Variants in SPEF2 observed in about 807,000 individuals in gnomAD.
SPEF2 encodes sperm flagellar and cilia associated 2, also known as sperm flagella and cilia-associated protein 2.
A neutral mutation model predicts 224.6 loss-of-function variants in SPEF2; 187 were observed. That is an observed-to-expected ratio of 0.83 (90% CI 0.74 to 0.94). The LOEUF (loss-of-function observed/expected upper bound fraction) is 0.94, where lower values mean the gene tolerates loss of function less well. SPEF2 is among the 40% of genes least tolerant of loss of function. The pLI is 0.00. For missense variants in SPEF2, 2,170 were observed against 2,135.6 expected (o/e 1.02, Z -0.32); for synonymous variants, 715 against 707.3 (o/e 1.01, Z -0.17).
chr5:35,664,905 G>T (rs116270159), intron 8 of SPEF2, among the ~76,000 whole-genome samples: 8 of 151,960 alleles, frequency 5.3e-5, no homozygotes, highest in Non-Finnish European at 1.0e-4. Flanking sequence ...GAGCGTTTTT[G>T]TTTTGTTTTT....
intron 23 of SPEF2, among the ~76,000 whole-genome samples, chr5:35,750,998 TATATATATATATA>T: frequency 1.5e-5 from 1 of 68,330 alleles, no homozygotes; most frequent in Non-Finnish European, 3.3e-5. Context: ...TATATATATG[TATATATATATATA>T]CGTATATATA....
intron 4 of SPEF2, among the ~76,000 whole-genome samples, chr5:35,644,981 C>T (rs559963925): frequency 2.6e-5 from 4 of 152,264 alleles, no homozygotes; most frequent in Non-Finnish European, 4.4e-5. Flanking sequence ...TAATTCTTTG[C>T]TTGCTTACCT....
At chr5:35,692,079 T>C (rs1427683814) in intron 11 of SPEF2, among the ~76,000 whole-genome samples, 1 of 151,394 alleles carries the variant, frequency 6.6e-6, no homozygotes. Flanking sequence ...ATTACAAGCA[T>C]GAGCCACCGT....
At chr5:35,760,149 C>G (rs1488204527) in intron 25 of SPEF2, among the ~76,000 whole-genome samples, 1 of 152,088 alleles carries the variant, frequency 6.6e-6, no homozygotes, top group Non-Finnish European at 1.5e-5. Context: ...ATCACGAGGT[C>G]AGGAGATCGA....
rs572545033 is a variant in SPEF2, at chr5:35,668,761, A to G, written c.1356-1298A>G. Among the ~76,000 whole-genome samples, 78 of 152,244 alleles carry G rather than the reference A, an allele frequency of 5.1e-4. 4 individuals carry two copies. The South Asian group carries it at 0.016, about 32-fold the overall frequency. ...TAAATGTGAACAGAATTTTACAGTA[A>G]AGGTCAGATAGCTAAGGTTTTTTTC... On this transcript the variant is annotated intron_variant, in intron 9 of 36. Transcript: ENST00000356031.
At chr5:35,671,525 T>G (rs1003018389) in intron 10 of SPEF2, 3 of 983,016 alleles carry the variant, frequency 3.1e-6, no homozygotes, top group Non-Finnish European at 3.6e-6. Context: ...TATCAACCTG[T>G]GTTAAGGTAT....
chr5:35,733,037 G>A (rs1256620574), intron 21 of SPEF2, among the ~76,000 whole-genome samples: 2 of 152,060 alleles, frequency 1.3e-5, no homozygotes, highest in African/African-American at 2.4e-5. Context: ...ATCCCCTGTG[G>A]GTCTGGGAAC....
intron 2 of SPEF2, 144 bp from the exon 3 acceptor site, chr5:35,641,287 T>G (rs1746587198): frequency 4.6e-6 from 4 of 877,064 alleles, no homozygotes; most frequent in Non-Finnish European, 6.8e-6. Flanking sequence ...TGTAGTTACA[T>G]TAGAGTGGTT....
intron 1 of SPEF2, among the ~76,000 whole-genome samples, chr5:35,626,476 T>C (rs1449812588): frequency 6.6e-6 from 1 of 152,212 alleles, no homozygotes; most frequent in Non-Finnish European, 1.5e-5. Flanking sequence ...GGTTATGTGA[T>C]TGGAAGCTTT....
chr5:35,751,034 TAC>T (rs60610068), intron 23 of SPEF2, among the ~76,000 whole-genome samples: 14 of 93,542 alleles, frequency 1.5e-4, no homozygotes, highest in East Asian at 2.7e-4. Flanking sequence ...CGTATATATA[TAC>T]ACATATGTAT....
chr5:35,698,040 G>T, intron 15 of SPEF2: 2 of 270,464 alleles, frequency 7.4e-6, no homozygotes, highest in Non-Finnish European at 1.4e-5. Context: ...TATTACCTGT[G>T]GGGAATTCAA....
intron 30 of SPEF2, among the ~76,000 whole-genome samples, chr5:35,785,483 T>C (rs1754969785): frequency 6.6e-6 from 1 of 152,152 alleles, no homozygotes; most frequent in Admixed American, 6.5e-5. Flanking sequence ...AAAATCAATA[T>C]TGGAAATTAA....
At chr5:35,755,066 G>A (rs1750236926) in intron 24 of SPEF2, among the ~76,000 whole-genome samples, 1 of 152,196 alleles carries the variant, frequency 6.6e-6, no homozygotes, top group African/African-American at 2.4e-5. Context: ...TCAGGTAGGA[G>A]GTTTCAAGAA....
intron 20 of SPEF2, among the ~76,000 whole-genome samples, chr5:35,722,094 GA>G (rs112401540): frequency 0.05 from 7,267 of 143,956 alleles, 306 homozygotes; most frequent in African/African-American, 0.1. Flanking sequence ...GAAGAGGAAA[GA>G]AAAAAAAAAA....
chr5:35,671,144 A>G lies in SPEF2; in HGVS notation c.1524+917A>G, dbSNP rs1359789164. 5.1e-6 allele frequency: 5 copies of G among 985,316 alleles called. No individual in the cohort carries two copies. The African/African-American group carries it at 7.0e-5, about 14-fold the overall frequency. 61.0% of individuals were successfully genotyped at this position (985,316 alleles called of 1,614,324 possible). On this transcript the variant is annotated intron_variant, in intron 10 of 36. Transcript: ENST00000356031. ...AGTAAGTGCAACATGAAAAAAATCT[A>G]TGAAAAGATTATTTGACCTAATTAT... is the stretch of plus-strand genomic sequence containing the variant.
At chr5:35,660,047 A>G (rs980260448) in intron 8 of SPEF2, among the ~76,000 whole-genome samples, 12 of 152,138 alleles carry the variant, frequency 7.9e-5, no homozygotes, top group Non-Finnish European at 1.6e-4. Flanking sequence ...GCTCTTTGCT[A>G]CTATGGTATC....
At chr5:35,758,804 G>A (rs921764536) in intron 24 of SPEF2, among the ~76,000 whole-genome samples, 11 of 151,950 alleles carry the variant, frequency 7.2e-5, no homozygotes, top group South Asian at 2.1e-4. Flanking sequence ...TCAGGAGTTC[G>A]AAACCAGCCT....
intron 18 of SPEF2, among the ~76,000 whole-genome samples, chr5:35,706,323 A>T (rs974620066): frequency 4.0e-5 from 6 of 151,786 alleles, no homozygotes; most frequent in African/African-American, 1.4e-4. Flanking sequence ...TATTAAATTG[A>T]TTATTAATTA....
intron 33 of SPEF2, among the ~76,000 whole-genome samples, chr5:35,797,185 T>C (rs1263392985): frequency 6.6e-6 from 1 of 152,180 alleles, no homozygotes; most frequent in Non-Finnish European, 1.5e-5. Context: ...AAGGACCTTT[T>C]AGTACTTTTG....
Sources: gnomAD v4.1 joint callset for allele counts (sites outside exome capture counted in the v4.1 genomes callset) on GRCh38, gnomAD v4.1.1 for gene constraint, MANE v1.5 for transcripts, NCBI Gene and HGNC (gene_info 2026-07-23, HGNC 2026-07-21) for gene names.